FNDC3A: variants seen among roughly 807,000 people sequenced by gnomAD.
FNDC3A encodes fibronectin type III domain containing 3A.
A neutral mutation model predicts 148.9 loss-of-function variants in FNDC3A; 32 were observed. That is an observed-to-expected ratio of 0.21 (90% CI 0.16 to 0.29). The LOEUF is 0.29. Among genes scored for constraint, FNDC3A ranks in the 10% least tolerant of loss-of-function variants. FNDC3A has a pLI of 1.00. For missense variants in FNDC3A, 1,191 were observed against 1,452.8 expected (o/e 0.82, Z 2.93); for synonymous variants, 472 against 473.6 (o/e 1.00, Z 0.04).
chr13:49,105,916 A>G (rs1346555177), intron 3 of FNDC3A, among the ~76,000 whole-genome samples: 1 of 152,224 alleles, frequency 6.6e-6, no homozygotes, highest in Non-Finnish European at 1.5e-5. Context: ...ATCATGTTTT[A>G]AAATCCAGCA....
chr13:49,197,252 C>T (rs962410746), intron 20 of FNDC3A, among the ~76,000 whole-genome samples: 2 of 152,134 alleles, frequency 1.3e-5, no homozygotes, highest in African/African-American at 4.8e-5. Context: ...GATATTTCAG[C>T]CACTGTAAGT....
At chr13:49,153,546 T>G (rs1399827771) in intron 8 of FNDC3A, among the ~76,000 whole-genome samples, 8 of 152,348 alleles carry the variant, frequency 5.3e-5, no homozygotes, top group South Asian at 2.1e-4. Context: ...GTCTATTTTG[T>G]CTTTTGTTTC....
At chr13:49,080,678 G>A (rs1878409699) in intron 3 of FNDC3A, among the ~76,000 whole-genome samples, 1 of 152,182 alleles carries the variant, frequency 6.6e-6, no homozygotes, top group Admixed American at 6.5e-5. Context: ...GATCTTTGTA[G>A]CATGTGCTAA....
At chr13:49,110,342 GTACTACGC>G in intron 3 of FNDC3A, 1 of 1,603,650 alleles carries the variant, frequency 6.2e-7, no homozygotes, top group Non-Finnish European at 8.5e-7. Flanking sequence ...CTGTTAACGT[GTACTACGC>G]TGTTTCCTTG....
intron 2 of FNDC3A, among the ~76,000 whole-genome samples, 174 bp from the exon 3 acceptor site, chr13:49,075,115 C>G (rs943380905): frequency 6.6e-5 from 10 of 152,000 alleles, no homozygotes; most frequent in Admixed American, 2.6e-4. Flanking sequence ...TACGTCTAAC[C>G]TCCAGAAAAG....
At chr13:49,061,962 A>G (rs1381364201) in intron 2 of FNDC3A, among the ~76,000 whole-genome samples, 4 of 150,390 alleles carry the variant, frequency 2.7e-5, no homozygotes, top group East Asian at 2.0e-4. Flanking sequence ...ATACATGTAG[A>G]AAGAATGATG....
intron 2 of FNDC3A, among the ~76,000 whole-genome samples, chr13:49,047,590 A>G (rs1253332855): frequency 6.6e-6 from 1 of 151,914 alleles, no homozygotes; most frequent in Admixed American, 6.6e-5. Flanking sequence ...CTATTTGTAT[A>G]TCTTTGAGAA....
At chr13:49,039,993 C>G (rs1047461611) in intron 2 of FNDC3A, among the ~76,000 whole-genome samples, 1 of 152,212 alleles carries the variant, frequency 6.6e-6, no homozygotes, top group Non-Finnish European at 1.5e-5. Flanking sequence ...GGATTACAGG[C>G]GTGAGCCACC....
At chr13:49,050,025 T>G (rs1021532493) in intron 2 of FNDC3A, among the ~76,000 whole-genome samples, 2 of 152,232 alleles carry the variant, frequency 1.3e-5, no homozygotes, top group African/African-American at 4.8e-5. Flanking sequence ...CAGCCTTCTC[T>G]CTTCTTTTCT....
intron 2 of FNDC3A, among the ~76,000 whole-genome samples, chr13:49,019,191 C>A (rs764633975): frequency 0.012 from 1,786 of 152,286 alleles, 16 homozygotes; most frequent in South Asian, 0.023. Context: ...GCGGGCGCCC[C>A]TCCCCCAGCC....
intron 2 of FNDC3A, among the ~76,000 whole-genome samples, chr13:49,012,792 T>C (rs1952378327): frequency 6.9e-6 from 1 of 143,984 alleles, no homozygotes; most frequent in Admixed American, 7.3e-5. Context: ...TGGGTTTTTA[T>C]ATGCAATTAT....
intron 3 of FNDC3A, among the ~76,000 whole-genome samples, chr13:49,102,143 C>G (rs1182176500): frequency 6.6e-6 from 1 of 151,280 alleles, no homozygotes; most frequent in Non-Finnish European, 1.5e-5. Context: ...CTTTTTTTTT[C>G]TTGATTTTTT....
chr13:49,101,982 G>C (rs1879886941), intron 3 of FNDC3A, among the ~76,000 whole-genome samples: 1 of 151,796 alleles, frequency 6.6e-6, no homozygotes, highest in South Asian at 2.1e-4. Flanking sequence ...CCTCTAGTAA[G>C]AGCATAAGAC....
At chr13:49,162,554 A>G in intron 8 of FNDC3A, among the ~76,000 whole-genome samples, 1 of 152,154 alleles carries the variant, frequency 6.6e-6, no homozygotes, top group East Asian at 1.9e-4. Context: ...GGGTTCAAAC[A>G]TCTTCCTTTA....
At chr13:48,977,157 A>G (rs1391464123) in intron 1 of FNDC3A, among the ~76,000 whole-genome samples, 2 of 152,180 alleles carry the variant, frequency 1.3e-5, no homozygotes, top group African/African-American at 4.8e-5. Context: ...CATCTATTAA[A>G]TAAGAGTCGC....
At chr13:49,185,912 G>A in intron 14 of FNDC3A, 52 bp from the exon 15 acceptor site, 1 of 1,393,716 alleles carries the variant, frequency 7.2e-7, no homozygotes, top group Non-Finnish European at 1.0e-6. Context: ...TATTAAGCCA[G>A]TATCATTAGG....
intron 8 of FNDC3A, among the ~76,000 whole-genome samples, chr13:49,158,663 T>G (rs540103286): frequency 6.6e-6 from 1 of 152,390 alleles, no homozygotes; most frequent in Non-Finnish European, 1.5e-5. Flanking sequence ...TTGCCATTGC[T>G]TTCGGTGTTT....
intron 8 of FNDC3A, among the ~76,000 whole-genome samples, chr13:49,147,948 T>G (rs1459856860): frequency 1.3e-5 from 2 of 152,190 alleles, no homozygotes; most frequent in East Asian, 3.8e-4. Flanking sequence ...ATGATCTCAT[T>G]GTAATTTTGA....
At position 49,144,035 on chromosome 13, in the gene FNDC3A, A is replaced by ACTAC. The variant is rs1566280593; in HGVS notation, c.820-1743_820-1742insCTAC. ...ACTGCTACTACTACTACTACTACTA[A>ACTAC]TAATAATAATAATAATAAAGTAGAT... On this transcript the variant is annotated intron_variant, in intron 7 of 25. Coordinates refer to ENST00000492622, the MANE Select transcript of FNDC3A (RefSeq NM_001079673.2). Among the ~76,000 whole-genome samples the ACTAC allele has an allele frequency of 4.1e-5, 6 of 145,534 alleles. No individual in the cohort carries two copies. The East Asian group carries it at 1.2e-3, about 29-fold the overall frequency.
Sources: allele counts gnomAD v4.1 joint callset (sites outside exome capture counted in the v4.1 genomes callset), GRCh38; gene constraint gnomAD v4.1.1; transcripts MANE v1.5; gene names NCBI Gene and HGNC (gene_info 2026-07-23, HGNC 2026-07-21).